NTAQ1: variants seen among roughly 807,000 people sequenced by gnomAD.
NTAQ1 encodes the protein N-terminal glutamine amidase 1.
In NTAQ1, 21 loss-of-function variants were observed where a neutral mutation model predicts 28.2. That is an observed-to-expected ratio of 0.74 (90% confidence interval 0.53 to 1.07). The LOEUF (loss-of-function observed/expected upper bound fraction) is 1.07, where lower values mean the gene tolerates loss of function less well. Ranked by LOEUF, NTAQ1 falls within the 50% of genes least tolerant of loss-of-function variation. NTAQ1 has a pLI of 0.00. For synonymous variants in NTAQ1, 105 were observed against 90.0 expected, an observed-to-expected ratio of 1.17 and a Z score of -0.94; for missense variants, 264 against 256.6, an observed-to-expected ratio of 1.03 and a Z score of -0.20.
At chr8:123,431,334 T>C (rs1456373453) in intron 3 of NTAQ1, among the ~76,000 whole-genome samples, 2 of 26,158 alleles carry the variant, frequency 7.6e-5, no homozygotes, top group East Asian at 1.3e-3. Flanking sequence ...TGAAACTCCA[T>C]ATCAAAAAAA....
At chr8:123,473,494 A>G (rs1173908182), downstream of NTAQ1, among the ~76,000 whole-genome samples, 2 of 152,062 alleles carry the variant, frequency 1.3e-5, no homozygotes, top group African/African-American at 4.8e-5. Context: ...CGGTTTCACC[A>G]TGTTGCCTAG....
chr8:123,437,192 A>C lies in NTAQ1; in HGVS notation c.384-18A>C. 6.2e-7 allele frequency: 1 copy of C among 1,613,400 alleles called. No homozygotes were observed. The highest frequency in any genetic ancestry group is 8.5e-7 in the Non-Finnish European group (1 of 1,179,652). ...CATGACATCTCCCTAATGTGAGTGTATATTGATTTTTCTGCAGGAAATTTA... is the reference window on the plus strand; with the variant it reads ...CATGACATCTCCCTAATGTGAGTGTCTATTGATTTTTCTGCAGGAAATTTA... On this transcript the variant is annotated intron_variant, in intron 4 of 5. Coordinates refer to ENST00000287387, the MANE Select transcript of NTAQ1 (RefSeq NM_018024.3).
chr8:123,467,072 T>TC (rs1371585438), intron 6 of NTAQ1: 1 of 151,338 alleles, frequency 6.6e-6, no homozygotes, highest in African/African-American at 2.5e-5. Context: ...TTTTTTTTTT[T>TC]TCTCAGTCTG....
downstream of NTAQ1, among the ~76,000 whole-genome samples, chr8:123,470,213 A>T (rs1402315757): frequency 6.6e-6 from 1 of 152,148 alleles, no homozygotes; most frequent in Non-Finnish European, 1.5e-5. Context: ...CAGAGCTGGG[A>T]TTCCTGTGTT....
In NTAQ1 at chr8:123,462,726, A is replaced by G. The variant is rs117311900; in HGVS notation, c.373-4353A>G. Among the ~76,000 whole-genome samples the G allele has an allele frequency of 2.0e-3, 298 of 151,864 alleles. 2 individuals carry two copies. The highest frequency in any genetic ancestry group is 0.015 in the East Asian group (79 of 5,176). On this transcript the variant is annotated intron_variant, in intron 6 of 6. Coordinates refer to the NTAQ1 transcript ENST00000650311. Reference sequence around the variant, plus strand: ...AAAGTGGGATTCATTTGACTGTTTGACTCCAGAGCTCATGCATTCATGGGC... The same window carrying G: ...AAAGTGGGATTCATTTGACTGTTTGGCTCCAGAGCTCATGCATTCATGGGC...
At chr8:123,444,093 T>C (rs148501281), downstream of NTAQ1, among the ~76,000 whole-genome samples, 58 of 152,250 alleles carry the variant, frequency 3.8e-4, no homozygotes, top group African/African-American at 1.3e-3. Context: ...CAATTTTTCT[T>C]TTGAGGTCAG....
intron 3 of NTAQ1, among the ~76,000 whole-genome samples, chr8:123,431,341 A>C (rs1368077372): frequency 1.9e-4 from 3 of 15,806 alleles, no homozygotes; most frequent in Admixed American, 2.7e-3. Context: ...CCATATCAAA[A>C]AAAAAAAAAA....
At chr8:123,428,667 C>T (rs1814217561) in intron 2 of NTAQ1, among the ~76,000 whole-genome samples, 1 of 150,222 alleles carries the variant, frequency 6.7e-6, no homozygotes, top group African/African-American at 2.5e-5. Flanking sequence ...ATGGTGTGAT[C>T]TCGGCTCACT....
In NTAQ1 at chr8:123,441,485, A is replaced by G; in HGVS notation, c.*70A>G. 1 of 1,233,240 alleles carries G rather than the reference A, an allele frequency of 8.1e-7. No individual in the cohort carries two copies. Among genetic ancestry groups the G allele is most frequent in the Non-Finnish European group, 1.2e-6 (1 of 849,364 alleles). 76.4% of individuals were successfully genotyped at this position (1,233,240 alleles called of 1,614,324 possible). A position where few individuals can be genotyped will look rare whatever the true frequency, so the allele number is the denominator to read the frequency against. On this transcript the variant is annotated 3_prime_UTR_variant, in exon 6 of 6. Coordinates refer to ENST00000287387, the MANE Select transcript of NTAQ1 (RefSeq NM_018024.3). ...AACAAGCTATCCTTTCATCGAGGAC[A>G]GCAAACATTATGGTACAGTTGGCTT...
chr8:123,462,707 G>A (rs1815858718), intron 6 of NTAQ1, among the ~76,000 whole-genome samples: 2 of 152,090 alleles, frequency 1.3e-5, no homozygotes, highest in African/African-American at 4.8e-5. Context: ...GGCCAAAGTG[G>A]GATTCATTTG....
At chr8:123,469,911 T>C (rs932470520) in exon 7 of NTAQ1, among the ~76,000 whole-genome samples, 3 of 152,182 alleles carry the variant, frequency 2.0e-5, no homozygotes, top group African/African-American at 7.2e-5. Flanking sequence ...TGGGGAGACA[T>C]GTTATGGACT....
intron 3 of NTAQ1, among the ~76,000 whole-genome samples, chr8:123,432,748 C>T (rs1586942470): frequency 1.3e-5 from 2 of 148,584 alleles, no homozygotes; most frequent in East Asian, 2.0e-4. Context: ...GGTGTGATCT[C>T]GGCTCACTGC....
chr8:123,424,010 G>A (rs1813883839), intron 1 of NTAQ1, among the ~76,000 whole-genome samples: 1 of 150,146 alleles, frequency 6.7e-6, no homozygotes. Context: ...AGCCTCCTGA[G>A]TAACTGGGAT....
intron 6 of NTAQ1, among the ~76,000 whole-genome samples, chr8:123,462,141 G>T (rs1256332390): frequency 1.3e-5 from 2 of 152,082 alleles, no homozygotes; most frequent in Non-Finnish European, 2.9e-5. Context: ...CTCCTCCCAG[G>T]TTCAAGCGAT....
At chr8:123,417,375 G>T (rs1302009224) in intron 1 of NTAQ1, among the ~76,000 whole-genome samples, 1 of 152,112 alleles carries the variant, frequency 6.6e-6, no homozygotes, top group Non-Finnish European at 1.5e-5. Flanking sequence ...TGTTCTGGGT[G>T]GTTTAGGTAA....
chr8:123,459,888 G>A (rs1466908942), intron 6 of NTAQ1, among the ~76,000 whole-genome samples: 7 of 137,676 alleles, frequency 5.1e-5, no homozygotes, highest in Admixed American at 2.5e-4. Flanking sequence ...CGCAACCTCC[G>A]CCTCCTGGTT....
At position 123,416,836 on chromosome 8, in the gene NTAQ1, C is replaced by A; in HGVS notation, c.-14C>A. On this transcript the variant is annotated 5_prime_UTR_variant, in exon 1 of 6. Transcript: ENST00000287387. ...GTCTTCCTCCGGCCCGGGCCCTGGC[C>A]CAGCTAGCCGGCCATGGAAGGTAAT... is the stretch of plus-strand genomic sequence containing the variant. 6.6e-7 allele frequency: 1 copy of A among 1,526,174 alleles called. No individual in the cohort carries two copies. The highest frequency in any genetic ancestry group is 1.2e-5 in the South Asian group (1 of 81,518). The allele number at this position is 1,526,174 out of a possible 1,614,324, so 94.5% of individuals were successfully genotyped here. A position where few individuals can be genotyped will look rare whatever the true frequency, so the allele number is the denominator to read the frequency against.
intron 6 of NTAQ1, chr8:123,455,030 C>T (rs3894389): frequency 6.6e-6 from 1 of 152,186 alleles, no homozygotes; most frequent in African/African-American, 2.4e-5. Flanking sequence ...AGTCACCTGT[C>T]TTCCATTTTG....
intron 6 of NTAQ1, among the ~76,000 whole-genome samples, chr8:123,456,124 T>C (rs1815643322): frequency 6.6e-6 from 1 of 152,228 alleles, no homozygotes; most frequent in Non-Finnish European, 1.5e-5. Flanking sequence ...ATTTAGGTTC[T>C]TGCATCTCCA....
Sources: allele counts gnomAD v4.1 joint callset (sites outside exome capture counted in the v4.1 genomes callset), GRCh38; gene constraint gnomAD v4.1.1; transcripts MANE v1.5; gene names NCBI Gene and HGNC (gene_info 2026-07-23, HGNC 2026-07-21).